The following AHSG variants were observed in gnomAD, a reference collection of about 807,000 sequenced individuals.
AHSG encodes alpha-2-HS-glycoprotein.
Under a neutral mutation model 30.1 loss-of-function variants are expected in AHSG, and 23 were observed. The observed-to-expected ratio is 0.76, with a 90% confidence interval of 0.55 to 1.08. The LOEUF (loss-of-function observed/expected upper bound fraction) is 1.08, where lower values mean the gene tolerates loss of function less well. AHSG is among the 50% of genes least tolerant of loss of function. The probability of loss-of-function intolerance (pLI) is 0.00; values close to 1 mark genes in which losing one functional copy is unlikely to be tolerated. For synonymous variants in AHSG, 164 were observed against 186.3 expected (o/e 0.88, Z 0.98); for missense variants, 469 against 459.5 (o/e 1.02, Z -0.19).
At chr3:186,619,990 C>T in intron 6 of AHSG, 50 bp downstream of exon 6, 2 of 1,432,716 alleles carry the variant, frequency 1.4e-6, no homozygotes, top group South Asian at 1.2e-5. Flanking sequence ...TACAATGACC[C>T]CTTCACATTT....
At chr3:186,619,787 CG>C in intron 5 of AHSG, 69 bp from the exon 6 acceptor site, 1 of 1,242,490 alleles carries the variant, frequency 8.0e-7, no homozygotes, top group South Asian at 1.4e-5. Flanking sequence ...TTAAGGTTGG[CG>C]CGTCAATGAA....
Position 186,620,582 on chromosome 3 carries a change from C to G in AHSG, c.760-4C>G. On this transcript the variant is annotated splice_polypyrimidine_tract_variant and splice_region_variant and intron_variant, in intron 6 of 6. Coordinates refer to ENST00000411641, the MANE Select transcript of AHSG (RefSeq NM_001622.4). ...CTAACTGAAGGAAATGGTCCTTTTTCCAGCCCGTGAGCTCACAGCCCCAAC... is the reference window on the plus strand; with the variant it reads ...CTAACTGAAGGAAATGGTCCTTTTTGCAGCCCGTGAGCTCACAGCCCCAAC... 1 of 1,582,886 alleles carries G rather than the reference C, an allele frequency of 6.3e-7. No homozygotes were observed.
At chr3:186,618,737 A>G (rs903153487) in intron 5 of AHSG, 100 bp downstream of exon 5, 16 of 1,506,710 alleles carry the variant, frequency 1.1e-5, no homozygotes, top group Non-Finnish European at 1.2e-5. Flanking sequence ...CAGACAGAGA[A>G]TAACAGTGCA....
chr3:186,616,655 G>C lies in AHSG; in HGVS notation c.409+128G>C, dbSNP rs1348571114. ...GGAAAAGGAGAAGCCAAATTTCCTG[G>C]GTTCTGGGATTTTTAAAATTGTGTT... On this transcript the variant is annotated intron_variant, in intron 3 of 6. Transcript: ENST00000411641. 1.3e-5 allele frequency: 11 copies of C among 816,198 alleles called. 1 individual carries two copies. In the East Asian group the frequency reaches 2.5e-4, roughly 19 times the overall value. 50.6% of individuals were successfully genotyped at this position (816,198 alleles called of 1,614,324 possible). A position where few individuals can be genotyped will look rare whatever the true frequency, so the allele number is the denominator to read the frequency against.
intron 5 of AHSG, among the ~76,000 whole-genome samples, chr3:186,619,323 T>C (rs902640441): frequency 2.6e-5 from 4 of 151,880 alleles, no homozygotes; most frequent in Admixed American, 6.6e-5. Context: ...GAAAAAGAAT[T>C]CATCAGTGAC....
intron 5 of AHSG, among the ~76,000 whole-genome samples, 200 bp downstream of exon 5, chr3:186,618,837 G>A (rs1716391007): frequency 6.6e-6 from 1 of 152,148 alleles, no homozygotes; most frequent in Non-Finnish European, 1.5e-5. Context: ...CTCACCCACT[G>A]GAAGCACATG....
intron 4 of AHSG, 37 bp downstream of exon 4, chr3:186,617,387 C>T (rs1716341832): frequency 1.9e-6 from 3 of 1,614,046 alleles, no homozygotes; most frequent in Non-Finnish European, 2.5e-6. Flanking sequence ...TTGGGCAGTT[C>T]GGTGGCACTT....
rs190631595 is a variant in AHSG at position 186,613,456 on chromosome 3, G to T, written c.213+102G>T. The T allele has an allele frequency of 1.8e-3, 1,952 of 1,094,580 alleles. 2 individuals are homozygous for T. Among genetic ancestry groups the T allele is most frequent in the Non-Finnish European group, 2.3e-3 (1,773 of 768,834 alleles). The allele number at this position is 1,094,580 out of a possible 1,614,324, so 67.8% of individuals were successfully genotyped here. On this transcript the variant is annotated intron_variant, in intron 1 of 6. Transcript: ENST00000411641. ...ACCCAGTGCAAATGAAACCACAGAG[G>T]AGTAAATTCTCTGATTTCTTCCCAG...
rs34819441 is a variant in AHSG, at chr3:186,617,299, G to C, written c.522G>C (p.Gln174His). 273 of 1,614,218 alleles carry C rather than the reference G, an allele frequency of 1.7e-4. No individual in the cohort carries two copies. The Middle Eastern group carries it at 1.8e-3, about 11-fold the overall frequency. The change falls in exon 4 of 7, where the codon CAG becomes CAC. Residue 174 changes from glutamine (Q) to histidine (H), a missense_variant. Transcript: ENST00000411641. ...AKAALAAFNA[Q>H]NNGSNFQLEE... ...CTGCCCTGGCCGCCTTCAACGCTCA[G>C]AACAACGGCTCCAATTTTCAGCTGG...
At chr3:186,620,058 T>C in intron 6 of AHSG, 118 bp downstream of exon 6, 10 of 693,184 alleles carry the variant, frequency 1.4e-5, no homozygotes, top group Non-Finnish European at 1.6e-5. Context: ...AATCTCACAG[T>C]ATGAAATAAC....
At position 186,615,738 on chromosome 3, in the gene AHSG, C is replaced by T. The variant is rs1323381892; in HGVS notation, c.267C>T (p.Cys89=). 6.2e-7 allele frequency: 1 copy of T among 1,614,246 alleles called. No homozygotes were observed. Among genetic ancestry groups the T allele is most frequent in the East Asian group, 2.2e-5 (1 of 44,882 alleles). The change falls in exon 2 of 7, where the codon TGC becomes TGT. Residue 89 remains cysteine (C), a synonymous_variant. Transcript: ENST00000411641. Reference sequence around the variant, plus strand: ...AAATAGACACCCTGGAAACCACCTGCCATGTGCTGGACCCCACCCCTGTGG... The same window carrying T: ...AAATAGACACCCTGGAAACCACCTGTCATGTGCTGGACCCCACCCCTGTGG... ...EIEIDTLETT[C]HVLDPTPVAR...
rs371802506 is a variant in AHSG, at chr3:186,615,695, G to C, written c.224G>C (p.Gly75Ala). 1 of 1,614,182 alleles carries C rather than the reference G, an allele frequency of 6.2e-7. No homozygotes were observed. The highest frequency in any genetic ancestry group is 8.5e-7 in the Non-Finnish European group (1 of 1,179,980). The change falls in exon 2 of 7, where the codon GGA (glycine) becomes GCA (alanine). Residue 75 changes from glycine (G) to alanine (A), a missense_variant. Coordinates refer to ENST00000411641, the MANE Select transcript of AHSG (RefSeq NM_001622.4). ...TCTTTGTCTCCACAGCAGCCCTCCG[G>C]AGAGCTGTTTGAGATTGAAATAGAC... Reference protein sequence around the residue: ...EVKVWPQQPSGELFEIEIDTL... With the variant: ...EVKVWPQQPSAELFEIEIDTL...
At chr3:186,620,004 C>A in intron 6 of AHSG, 64 bp downstream of exon 6, 2 of 1,275,332 alleles carry the variant, frequency 1.6e-6, no homozygotes, top group South Asian at 1.3e-5. Flanking sequence ...CACATTTATG[C>A]AGTGCAGTAG....
intron 5 of AHSG, 141 bp downstream of exon 5, chr3:186,618,778 C>A: frequency 7.0e-7 from 1 of 1,421,358 alleles, no homozygotes; most frequent in Non-Finnish European, 9.4e-7. Context: ...CACGGCAAGC[C>A]TTCTTTTAGG....
At chr3:186,616,389 G>T (rs1716305068) in intron 2 of AHSG, 54 bp from the exon 3 acceptor site, 1 of 1,482,296 alleles carries the variant, frequency 6.7e-7, no homozygotes, top group African/African-American at 1.4e-5. Flanking sequence ...GAGGGAGCCT[G>T]CCCGGGGTGC....
chr3:186,613,191 A>T lies in AHSG; in HGVS notation c.50A>T (p.His17Leu). The T allele has an allele frequency of 6.2e-7, 1 of 1,614,014 alleles. No homozygotes were observed. The highest frequency in any genetic ancestry group is 2.2e-5 in the East Asian group (1 of 44,868). ...TGTCTTGCTCAGCTCTGGGGCTGCC[A>T]CTCAGCCCCACATGGCCCAGGGCTG... ...LLCLAQLWGC[H>L]SAPHGPGLIY... Residue 17 changes from histidine (H) to leucine (L), a missense_variant, in exon 1 of 7, where the codon CAC becomes CTC. Transcript: ENST00000411641.
intron 5 of AHSG, among the ~76,000 whole-genome samples, chr3:186,619,475 T>G (rs1405141642): frequency 6.6e-6 from 1 of 152,138 alleles, no homozygotes; most frequent in Non-Finnish European, 1.5e-5. Context: ...CACTAAAAAT[T>G]GTGTTTTCAA....
Position 186,620,820 on chromosome 3 carries a change from GAA to G in AHSG, c.995_996del (p.Glu332GlyfsTer14). On this transcript the variant is annotated frameshift_variant, in exon 7 of 7. Transcript: ENST00000411641. LOFTEE classifies it low-confidence loss of function (END_TRUNC). ...GVVSLGSPSGEVSHPRKTRTV... is the reference protein window; with the variant it reads ...GVVSLGSPSGXVSHPRKTRTV... The stretch of plus-strand genomic sequence containing the variant: ...GGTCTCATTGGGGTCACCCTCAGGA[GAA>G]GTGTCGCACCCCCGGAAAACACGCA... 1.2e-6 allele frequency: 2 copies of G among 1,614,208 alleles called. No homozygotes were observed. The highest frequency in any genetic ancestry group is 1.7e-6 in the Non-Finnish European group (2 of 1,180,042).
At chr3:186,614,636 T>C (rs2108499645) in intron 1 of AHSG, among the ~76,000 whole-genome samples, 1 of 152,326 alleles carries the variant, frequency 6.6e-6, no homozygotes, top group Non-Finnish European at 1.5e-5. Context: ...AAGGTAATCA[T>C]GAATGGGCAT....
Sources: gnomAD v4.1 joint callset for allele counts (sites outside exome capture counted in the v4.1 genomes callset) on GRCh38, gnomAD v4.1.1 for gene constraint, MANE v1.5 for transcripts, NCBI Gene and HGNC (gene_info 2026-07-23, HGNC 2026-07-21) for gene names.